Variants in ZPBP observed in about 807,000 individuals in gnomAD.
ZPBP encodes the protein zona pellucida-binding protein 1.
A neutral mutation model predicts 44.8 loss-of-function variants in ZPBP; 26 were observed. The observed-to-expected ratio is 0.58, with a 90% confidence interval of 0.43 to 0.81. The LOEUF (loss-of-function observed/expected upper bound fraction) is 0.81, where lower values mean the gene tolerates loss of function less well. Among genes scored for constraint, ZPBP ranks in the 30% least tolerant of loss-of-function variants. The pLI, the probability that ZPBP is intolerant of heterozygous loss-of-function variation, is 0.00. For missense variants in ZPBP, 409 were observed against 434.0 expected (o/e 0.94, Z 0.51); for synonymous variants, 174 against 153.2 (o/e 1.14, Z -1.00).
At chr7:50,068,545 G>T (rs1277115277) in intron 3 of ZPBP, among the ~76,000 whole-genome samples, 3 of 151,866 alleles carry the variant, frequency 2.0e-5, no homozygotes, top group Non-Finnish European at 2.9e-5. Context: ...CTCCTGTCCA[G>T]ACTAGCTTTT....
intron 2 of ZPBP, among the ~76,000 whole-genome samples, chr7:49,868,035 T>C (rs1282338423): frequency 1.3e-5 from 2 of 152,110 alleles, no homozygotes; most frequent in Admixed American, 6.5e-5. Context: ...GGTTTCACCA[T>C]ATTGACCAGG....
chr7:50,090,729 G>A (rs930152703), intron 1 of ZPBP, among the ~76,000 whole-genome samples: 2 of 151,836 alleles, frequency 1.3e-5, no homozygotes, highest in African/African-American at 4.8e-5. Flanking sequence ...TGGGCATTTG[G>A]GCTGGTTCCA....
chr7:50,029,958 T>G (rs982436319), intron 5 of ZPBP, among the ~76,000 whole-genome samples: 1 of 152,126 alleles, frequency 6.6e-6, no homozygotes, highest in Non-Finnish European at 1.5e-5. Context: ...CGGGTTCAAG[T>G]GATTCTCCTG....
chr7:50,013,422 C>T (rs1798675358), intron 6 of ZPBP, among the ~76,000 whole-genome samples: 1 of 151,856 alleles, frequency 6.6e-6, no homozygotes, highest in African/African-American at 2.4e-5. Context: ...CAACATTACA[C>T]AAATATAAAT....
chr7:49,854,557 G>T (rs1360247153), intron 2 of ZPBP, among the ~76,000 whole-genome samples: 2 of 152,182 alleles, frequency 1.3e-5, no homozygotes, highest in East Asian at 3.8e-4. Context: ...TTTTGATGGG[G>T]TTGTTAGTTT....
At chr7:50,056,426 C>A (rs534994848) in intron 4 of ZPBP, 1 of 152,226 alleles carries the variant, frequency 6.6e-6, no homozygotes, top group African/African-American at 2.4e-5. Flanking sequence ...TAGAAGGAAC[C>A]CTGTGATTAC....
intron 7 of ZPBP, among the ~76,000 whole-genome samples, chr7:49,961,417 A>G (rs1175852050): frequency 6.6e-6 from 1 of 152,180 alleles, no homozygotes. Context: ...ATGCAAATCT[A>G]TAATGACACA....
intron 2 of ZPBP, among the ~76,000 whole-genome samples, chr7:49,869,019 T>G (rs1791025425): frequency 6.6e-6 from 1 of 152,232 alleles, no homozygotes; most frequent in East Asian, 1.9e-4. Context: ...AGCTATGAAT[T>G]AAGAAAATAT....
At chr7:50,045,022 C>G (rs938906621) in intron 4 of ZPBP, among the ~76,000 whole-genome samples, 7 of 152,182 alleles carry the variant, frequency 4.6e-5, no homozygotes, top group African/African-American at 1.7e-4. Flanking sequence ...CGTAATCCAT[C>G]ACATAAACAG....
intron 3 of ZPBP, among the ~76,000 whole-genome samples, chr7:50,077,957 CT>C (rs1167759530): frequency 6.6e-6 from 1 of 151,802 alleles, no homozygotes; most frequent in African/African-American, 2.4e-5. Flanking sequence ...TGTTGCAGCA[CT>C]GCTTACAATA....
chr7:50,088,846 C>T (rs1802801181), intron 2 of ZPBP, among the ~76,000 whole-genome samples: 1 of 138,196 alleles, frequency 7.2e-6, no homozygotes, highest in South Asian at 2.1e-4. Context: ...AATAGTTTGG[C>T]AGCTCCTCAA....
chr7:50,079,734 T>C (rs1802272079), intron 3 of ZPBP, among the ~76,000 whole-genome samples: 1 of 151,676 alleles, frequency 6.6e-6, no homozygotes, highest in African/African-American at 2.4e-5. Context: ...AAATGGCAAC[T>C]ATGTAAGGTA....
chr7:49,924,138 A>T (rs189965092), intron 1 of ZPBP, among the ~76,000 whole-genome samples: 29 of 149,304 alleles, frequency 1.9e-4, no homozygotes, highest in African/African-American at 5.7e-4. Flanking sequence ...ATAATAATAA[A>T]TAATAATAAT....
intron 5 of ZPBP, among the ~76,000 whole-genome samples, chr7:50,020,263 T>G (rs189352143): frequency 6.6e-6 from 1 of 152,226 alleles, no homozygotes; most frequent in African/African-American, 2.4e-5. Context: ...TTCTTACTTT[T>G]GAATCTTTAT....
At chr7:50,000,184 A>G (rs1035124031) in intron 6 of ZPBP, among the ~76,000 whole-genome samples, 6 of 152,140 alleles carry the variant, frequency 3.9e-5, no homozygotes, top group Admixed American at 3.3e-4. Flanking sequence ...AAAAATACAT[A>G]TTTGAATTTT....
At chr7:49,990,850 G>A (rs1032974631) in intron 6 of ZPBP, among the ~76,000 whole-genome samples, 3 of 152,080 alleles carry the variant, frequency 2.0e-5, no homozygotes, top group Non-Finnish European at 4.4e-5. Context: ...CACCTAACAA[G>A]AAGTCTAACA....
chr7:49,909,679 TCAAG>T (rs1241095210), intron 1 of ZPBP, among the ~76,000 whole-genome samples: 1 of 152,038 alleles, frequency 6.6e-6, no homozygotes, highest in African/African-American at 2.4e-5. Context: ...AGACTGGAGC[TCAAG>T]CGAGAAAGTA....
rs145963071 is a variant in ZPBP at position 49,937,565 on chromosome 7, T to A, written c.1019A>T (p.Asn340Ile). The stretch of plus-strand genomic sequence containing the variant: ...TTTTGCTCCATACACCAGGCTGCTA[T>A]TGCATTGAAGGCAATGAATTCCATC... ...PRDGIHCLQCNSSLVYGAKTC... is the reference protein window; with the variant it reads ...PRDGIHCLQCISSLVYGAKTC... The change falls in exon 8 of 8, where the codon AAT becomes ATT. Residue 340 changes from asparagine (N) to isoleucine (I), a missense_variant. This residue lies in a region of ZPBP where 42 missense variants were observed against 71.0 expected (regional missense o/e 0.59). Coordinates refer to ENST00000046087, the MANE Select transcript of ZPBP (RefSeq NM_007009.3). 6.2e-6 allele frequency: 10 copies of A among 1,613,962 alleles called. No individual in the cohort carries two copies. Among genetic ancestry groups the A allele is most frequent in the Non-Finnish European group, 7.6e-6 (9 of 1,179,874 alleles).
chr7:49,874,820 G>A (rs542699694), intron 2 of ZPBP, among the ~76,000 whole-genome samples: 23 of 151,992 alleles, frequency 1.5e-4, no homozygotes, highest in Admixed American at 1.2e-3. Context: ...TCCTACTTCA[G>A]TAAAGATTCC....
Sources: allele counts gnomAD v4.1 joint callset (sites outside exome capture counted in the v4.1 genomes callset), GRCh38; gene constraint gnomAD v4.1.1; regional missense constraint gnomAD v4.1.1; transcripts MANE v1.5; gene names NCBI Gene and HGNC (gene_info 2026-07-23, HGNC 2026-07-21).